AGAP3: variants seen among roughly 807,000 people sequenced by gnomAD.
AGAP3 encodes the protein ArfGAP with GTPase domain, ankyrin repeat and PH domain 3, also known as arf-GAP with GTPase, ANK repeat and PH domain-containing protein 3.
A neutral mutation model predicts 96.9 loss-of-function variants in AGAP3; 24 were observed. The ratio of observed to expected loss-of-function variants is 0.25; its 90% CI spans 0.18 to 0.35. The LOEUF (loss-of-function observed/expected upper bound fraction) is 0.35. AGAP3 is among the 10% of genes least tolerant of loss of function. The pLI, the probability that AGAP3 is intolerant of heterozygous loss-of-function variation, is 1.00. For synonymous variants in AGAP3, 563 were observed against 536.1 expected, an observed-to-expected ratio of 1.05 and a Z score of -0.69; for missense variants, 876 against 1,254.2, an observed-to-expected ratio of 0.70 and a Z score of 4.55.
chr7:151,115,643 TA>T (rs1201181037), intron 1 of AGAP3: 2 of 1,155,050 alleles, frequency 1.7e-6, no homozygotes, highest in Non-Finnish European at 2.1e-6. Context: ...CGCCCAGCGG[TA>T]AGGGGGCGGG....
At chr7:151,106,931 A>G (rs1397779367) in intron 1 of AGAP3, among the ~76,000 whole-genome samples, 2 of 152,316 alleles carry the variant, frequency 1.3e-5, no homozygotes, top group Non-Finnish European at 2.9e-5. Context: ...CTGCACTTTC[A>G]GCAGCTGTTT....
Position 151,118,659 on chromosome 7 carries a change from TC to T in AGAP3, c.969+29del. 6.2e-7 allele frequency: 1 copy of T among 1,606,292 alleles called. No individual in the cohort carries two copies. Among genetic ancestry groups the T allele is most frequent in the Non-Finnish European group, 8.5e-7 (1 of 1,177,964 alleles). Reference sequence around the variant, plus strand: ...TTCGGCCTGTGCCCCGCCCTGCCCTTCCTGTCCCCACCATGTCTGTCTTGCC... The same window carrying T: ...TTCGGCCTGTGCCCCGCCCTGCCCTTCTGTCCCCACCATGTCTGTCTTGCC... On this transcript the variant is annotated intron_variant, in intron 7 of 17. Transcript: ENST00000397238. This position sits in a 1 kb window ranked among gnomAD's most constrained non-coding sequence, Gnocchi z 6.1.
chr7:151,128,319 C>T (rs1301657529), intron 9 of AGAP3: 2 of 474,992 alleles, frequency 4.2e-6, no homozygotes, highest in Admixed American at 3.3e-5. Flanking sequence ...GCTCCACACA[C>T]TGGGGAGGGA....
At chr7:151,097,593 G>A (rs1338570358) in intron 1 of AGAP3, among the ~76,000 whole-genome samples, 1 of 151,992 alleles carries the variant, frequency 6.6e-6, no homozygotes. Context: ...GGAAGGTGGT[G>A]CTAGCATCTG....
Position 151,106,650 on chromosome 7 carries a change from G to A in AGAP3, c.332-10143G>A, listed in dbSNP as rs571395004. 5.3e-5 allele frequency among the ~76,000 whole-genome samples: 8 copies of A among 152,164 alleles called. No individual in the cohort carries two copies. The South Asian group carries it at 1.7e-3, about 32-fold the overall frequency. ...GTACCACCACACCCAGCTAAATTTT[G>A]TATTCTTAGTAGCACAAAGTTTTGC... On this transcript the variant is annotated intron_variant, in intron 1 of 17. Transcript: ENST00000397238.
At chr7:151,120,290 C>T (rs1285103282) in intron 8 of AGAP3, 145 bp downstream of exon 8, 3 of 911,060 alleles carry the variant, frequency 3.3e-6, no homozygotes, top group African/African-American at 1.7e-5. Flanking sequence ...ACACGGCTCC[C>T]GAGGGTCCTT....
chr7:151,141,657 T>G lies in AGAP3; in HGVS notation c.1805-241T>G. On this transcript the variant is annotated intron_variant, in intron 13 of 17. Coordinates refer to ENST00000397238, the MANE Select transcript of AGAP3 (RefSeq NM_031946.7). This position sits in a 1 kb window ranked among gnomAD's most constrained non-coding sequence, Gnocchi z 4.2. ...GTGCCAAGATCTTGCATCCCCCATC[T>G]GTTTTCACTTAAGCTCCACAGGTGG... The G allele has an allele frequency of 1.8e-6, 1 of 541,822 alleles. No homozygotes were observed. Among genetic ancestry groups the G allele is most frequent in the East Asian group, 3.2e-5 (1 of 31,586 alleles). The allele number at this position is 541,822 out of a possible 1,614,324, so 33.6% of individuals were successfully genotyped here. A position where few individuals can be genotyped will look rare whatever the true frequency, so the allele number is the denominator to read the frequency against.
chr7:151,101,035 G>A (rs1044685939), intron 1 of AGAP3, among the ~76,000 whole-genome samples: 1 of 152,186 alleles, frequency 6.6e-6, no homozygotes, highest in African/African-American at 2.4e-5. Context: ...ATGGCCTGGA[G>A]CAGCCGCCAC....
intron 1 of AGAP3, among the ~76,000 whole-genome samples, chr7:151,087,910 A>G (rs1220513086): frequency 6.6e-6 from 1 of 152,130 alleles, no homozygotes; most frequent in Non-Finnish European, 1.5e-5. Flanking sequence ...TGCTGGAGGC[A>G]CCCGCAGGCA....
intron 1 of AGAP3, chr7:151,115,332 A>G (rs1437181964): frequency 9.9e-7 from 1 of 1,013,774 alleles, no homozygotes; most frequent in Non-Finnish European, 1.2e-6. Context: ...GGCGCTCAGG[A>G]AGAGCTTCAG....
In AGAP3 at chr7:151,140,024, C is replaced by T; in HGVS notation, c.1712C>T (p.Pro571Leu). Residue 571 changes from proline to leucine, a missense_variant, in exon 13 of 18, where the codon CCT becomes CTT. Pro to Leu is a moderately conservative substitution (Grantham distance 98). Transcript: ENST00000397238. The surrounding 1 kb of genome is among the most constrained non-coding windows in gnomAD (Gnocchi z 5.4). ...EVLSSSPKLD[P>L]PPSPHSNRKK... ...CTCAGTTCCAGCCCCAAGCTGGATC[C>T]TCCCCCATCTCCCCACTCCAACCGG... 1 of 1,601,258 alleles carries T rather than the reference C, an allele frequency of 6.2e-7. No individual in the cohort carries two copies. The highest frequency in any genetic ancestry group is 8.5e-7 in the Non-Finnish European group (1 of 1,174,548).
intron 8 of AGAP3, among the ~76,000 whole-genome samples, chr7:151,121,709 C>G (rs984585843): frequency 2.6e-5 from 4 of 152,176 alleles, no homozygotes; most frequent in African/African-American, 9.7e-5. Flanking sequence ...CGCTTCCATT[C>G]TCTCCATCCT....
chr7:151,117,820 C>T (rs1347038631), intron 5 of AGAP3, 43 bp downstream of exon 5: 1 of 1,571,898 alleles, frequency 6.4e-7, no homozygotes, highest in Non-Finnish European at 8.6e-7. Context: ...GCAGGAAGTC[C>T]CGGGCAACGA....
In AGAP3 at chr7:151,120,149, C is replaced by CGT. The variant is rs1799807815; in HGVS notation, c.1128+6_1128+7dup. 4.4e-6 allele frequency: 7 copies of CGT among 1,591,866 alleles called. No homozygotes were observed. The East Asian group carries it at 1.6e-4, about 36-fold the overall frequency. ...GCGGCGCTCCAACATCTTCACGGTA[C>CGT]GTGACTGCCCTCCTCCCCCGCCCAG... On this transcript the variant is annotated splice_donor_region_variant and intron_variant, in intron 8 of 17. Transcript: ENST00000397238.
intron 1 of AGAP3, 103 bp downstream of exon 1, chr7:151,087,175 T>A (rs563462789): frequency 1.6e-5 from 21 of 1,302,860 alleles, no homozygotes; most frequent in Non-Finnish European, 2.1e-5. Context: ...CTGTCGGGGG[T>A]CCTTGCGCGC....
chr7:151,115,142 G>A (rs1799493761), intron 1 of AGAP3: 1 of 1,044,860 alleles, frequency 9.6e-7, no homozygotes, highest in South Asian at 3.1e-5. Context: ...GGCCCCGGCC[G>A]GCCAGCATGA....
rs576799877 is a variant in AGAP3, at chr7:151,090,812, C to A, written c.331+3740C>A. Among the ~76,000 whole-genome samples the A allele has an allele frequency of 5.3e-5, 8 of 152,198 alleles. No homozygotes were observed. In the South Asian group the frequency reaches 1.7e-3, roughly 32 times the overall value. On this transcript the variant is annotated intron_variant, in intron 1 of 17. Coordinates refer to ENST00000397238, the MANE Select transcript of AGAP3 (RefSeq NM_031946.7). ...ACGAAAAATTAGCCGGGCGTGGTGGCGGGCACCTGTAGTCCCAGCTACTCG... is the reference window on the plus strand; with the variant it reads ...ACGAAAAATTAGCCGGGCGTGGTGGAGGGCACCTGTAGTCCCAGCTACTCG...
chr7:151,122,777 T>C, intron 8 of AGAP3: 2 of 1,613,762 alleles, frequency 1.2e-6, no homozygotes, highest in Non-Finnish European at 1.7e-6. Flanking sequence ...TTCCAACTCC[T>C]TCCAAATTAG....
chr7:151,143,645 GTTC>G lies in AGAP3; in HGVS notation c.2529+52_2529+54del. 1 of 1,601,932 alleles carries G rather than the reference GTTC, an allele frequency of 6.2e-7. No homozygotes were observed. Among genetic ancestry groups the G allele is most frequent in the Non-Finnish European group, 8.5e-7 (1 of 1,172,332 alleles). ...CCCTGACCTCGCTCTTCTTAGCCTT[GTTC>G]TTTGAAAGCAACCTCTTCTTTCCTC... On this transcript the variant is annotated intron_variant, in intron 17 of 17. Coordinates refer to ENST00000397238, the MANE Select transcript of AGAP3 (RefSeq NM_031946.7). The surrounding 1 kb of genome is among the most constrained non-coding windows in gnomAD (Gnocchi z 5.9).
Sources: gnomAD v4.1 joint callset for allele counts (sites outside exome capture counted in the v4.1 genomes callset) on GRCh38, gnomAD v4.1.1 for gene constraint, Gnocchi (gnomAD v3.1) non-coding constraint, MANE v1.5 for transcripts, NCBI Gene and HGNC (gene_info 2026-07-23, HGNC 2026-07-21) for gene names.